Variants in ERC2 observed in about 807,000 individuals in gnomAD.
The protein encoded by ERC2 is ELKS/RAB6-interacting/CAST family member 2.
Under a neutral mutation model 114.8 loss-of-function variants are expected in ERC2, and 42 were observed. That is an observed-to-expected ratio of 0.37 (90% CI 0.29 to 0.47). ERC2 has a LOEUF of 0.47. Among genes scored for constraint, ERC2 ranks in the 20% least tolerant of loss-of-function variants. ERC2 has a pLI of 0.99. For missense variants in ERC2, 939 were observed against 1,150.7 expected (o/e 0.82, Z 2.66); for synonymous variants, 454 against 425.5 (o/e 1.07, Z -0.82).
At chr3:55,599,149 T>G (rs1358114128) in intron 17 of ERC2, among the ~76,000 whole-genome samples, 1 of 152,214 alleles carries the variant, frequency 6.6e-6, no homozygotes, top group Non-Finnish European at 1.5e-5. Flanking sequence ...GTTGAATAAA[T>G]GACTAATAAC....
chr3:55,811,123 A>G (rs529111791), intron 14 of ERC2, among the ~76,000 whole-genome samples: 2 of 151,498 alleles, frequency 1.3e-5, no homozygotes, highest in African/African-American at 4.8e-5. Flanking sequence ...TGCATTTAAA[A>G]TGCCATTAGG....
intron 3 of ERC2, among the ~76,000 whole-genome samples, chr3:56,187,792 T>A (rs1322524887): frequency 6.6e-6 from 1 of 152,090 alleles, no homozygotes; most frequent in Non-Finnish European, 1.5e-5. Context: ...AATTATAGGA[T>A]CCATATGAGG....
intron 8 of ERC2, among the ~76,000 whole-genome samples, chr3:56,016,884 C>T (rs2073347361): frequency 2.0e-5 from 3 of 152,056 alleles, no homozygotes; most frequent in Non-Finnish European, 4.4e-5. Flanking sequence ...AGTTTATAGG[C>T]TACTGTAACA....
intron 14 of ERC2, among the ~76,000 whole-genome samples, chr3:55,834,644 C>T (rs1019164713): frequency 4.0e-5 from 6 of 150,298 alleles, no homozygotes; most frequent in Non-Finnish European, 7.4e-5. Context: ...ACTAAATGCC[C>T]ACAAGAGAAA....
chr3:56,034,877 GAT>G (rs2074693132), intron 7 of ERC2, among the ~76,000 whole-genome samples: 1 of 151,706 alleles, frequency 6.6e-6, no homozygotes, highest in Admixed American at 6.6e-5. Flanking sequence ...GAAAAAGAAA[GAT>G]ATCAAATAAA....
chr3:56,068,499 C>T (rs2076583099), intron 7 of ERC2, among the ~76,000 whole-genome samples: 1 of 152,034 alleles, frequency 6.6e-6, no homozygotes, highest in Non-Finnish European at 1.5e-5. Flanking sequence ...AAACCAGCCC[C>T]TGGATTCATG....
intron 2 of ERC2, among the ~76,000 whole-genome samples, chr3:56,326,818 TC>T (rs1261674408): frequency 6.6e-6 from 1 of 152,228 alleles, no homozygotes; most frequent in East Asian, 1.9e-4. Context: ...AGGCACCTGC[TC>T]CATCATTCCT....
intron 14 of ERC2, among the ~76,000 whole-genome samples, chr3:55,787,040 C>T (rs1315234300): frequency 1.3e-5 from 2 of 152,286 alleles, no homozygotes; most frequent in African/African-American, 4.8e-5. Context: ...ACCAGCTTTC[C>T]TAATTACTAT....
chr3:55,750,288 C>T (rs2066607389), intron 14 of ERC2, among the ~76,000 whole-genome samples: 1 of 152,086 alleles, frequency 6.6e-6, no homozygotes, highest in African/African-American at 2.4e-5. Context: ...TATGTATAAG[C>T]AAGGCATAAG....
intron 3 of ERC2, among the ~76,000 whole-genome samples, chr3:56,177,919 T>A (rs1191404347): frequency 6.6e-6 from 1 of 152,202 alleles, no homozygotes; most frequent in Non-Finnish European, 1.5e-5. Context: ...CAGAAAAAAA[T>A]AAGGGAAGAA....
intron 12 of ERC2, among the ~76,000 whole-genome samples, chr3:55,952,179 A>ACACT (rs1390539850): frequency 0.048 from 2,958 of 61,836 alleles, 110 homozygotes; most frequent in South Asian, 0.14. Flanking sequence ...ACACACACAC[A>ACACT]CTCTCTCTCT....
At chr3:56,166,892 T>G (rs1232088250) in intron 4 of ERC2, among the ~76,000 whole-genome samples, 1 of 152,086 alleles carries the variant, frequency 6.6e-6, no homozygotes, top group Non-Finnish European at 1.5e-5. Flanking sequence ...ATTTATTTAA[T>G]GTTAGCTTTT....
At chr3:56,283,555 A>G (rs2054489144) in intron 3 of ERC2, among the ~76,000 whole-genome samples, 1 of 152,250 alleles carries the variant, frequency 6.6e-6, no homozygotes, top group Non-Finnish European at 1.5e-5. Context: ...CAGAATGACA[A>G]AGGCCCCCTC....
chr3:56,281,254 G>A (rs920271052), intron 3 of ERC2, among the ~76,000 whole-genome samples: 34 of 151,344 alleles, frequency 2.2e-4, no homozygotes, highest in East Asian at 9.7e-4. Flanking sequence ...CGGCTAAAAC[G>A]GTGAAACCCC....
At chr3:55,557,504 T>C (rs2055700981) in intron 17 of ERC2, among the ~76,000 whole-genome samples, 1 of 152,254 alleles carries the variant, frequency 6.6e-6, no homozygotes, top group African/African-American at 2.4e-5. Context: ...CAAAGGATTC[T>C]AGCTTTTGCT....
intron 17 of ERC2, chr3:55,607,832 G>A (rs1433367794): frequency 6.6e-6 from 1 of 152,026 alleles, no homozygotes; most frequent in Non-Finnish European, 1.5e-5. Context: ...TTTCCTCCAA[G>A]TCCCTGAGAA....
chr3:56,409,869 G>A (rs1249001796), intron 2 of ERC2, among the ~76,000 whole-genome samples: 4 of 152,114 alleles, frequency 2.6e-5, no homozygotes, highest in Non-Finnish European at 5.9e-5. Context: ...TCTGTGCTGT[G>A]GGCTTTCCAC....
intron 4 of ERC2, among the ~76,000 whole-genome samples, chr3:56,164,237 A>C (rs1359408965): frequency 6.6e-6 from 1 of 152,042 alleles, no homozygotes; most frequent in Non-Finnish European, 1.5e-5. Context: ...TCCAGTACAC[A>C]TTAGCAGTAA....
At chr3:55,763,946 C>T (rs13324063) in intron 14 of ERC2, among the ~76,000 whole-genome samples, 100 of 152,236 alleles carry the variant, frequency 6.6e-4, no homozygotes, top group African/African-American at 2.4e-3. Context: ...CTTCTCACGA[C>T]GTATTTTTAT....
Sources: allele counts gnomAD v4.1 joint callset (sites outside exome capture counted in the v4.1 genomes callset), GRCh38; gene constraint gnomAD v4.1.1; transcripts MANE v1.5; gene names NCBI Gene and HGNC (gene_info 2026-07-23, HGNC 2026-07-21).